Variants in CFAP20DC observed in about 807,000 individuals in gnomAD.
The protein encoded by CFAP20DC is protein CFAP20DC.
In CFAP20DC, 84 loss-of-function variants were observed where a neutral mutation model predicts 101.7. That is an observed-to-expected ratio of 0.83 (90% CI 0.69 to 0.99). The LOEUF (loss-of-function observed/expected upper bound fraction) is 0.99. Ranked by LOEUF, CFAP20DC falls within the 50% of genes least tolerant of loss-of-function variation. The pLI is 0.00. For synonymous variants in CFAP20DC, 359 were observed against 351.2 expected (o/e 1.02, Z -0.25); for missense variants, 1,007 against 970.3 (o/e 1.04, Z -0.50).
intron 15 of CFAP20DC, among the ~76,000 whole-genome samples, chr3:58,784,630 C>T (rs953360878): frequency 6.6e-6 from 1 of 152,034 alleles, no homozygotes. Flanking sequence ...ATGAACATGA[C>T]AGCGCATGTG....
In CFAP20DC at chr3:58,913,711, C is replaced by T; in HGVS notation, c.547G>A (p.Asp183Asn). Reference protein sequence around the residue: ...KSKPQDTADKDAVYGVPFSTD... With the variant: ...KSKPQDTADKNAVYGVPFSTD... The stretch of plus-strand genomic sequence containing the variant: ...CTTGATAGCAACCTGAACATACCAT[C>T]CTTATCAGCAGTGTCTTGTGGCTTT... The change falls in exon 6 of 17, where the codon GAT becomes AAT. Residue 183 changes from aspartate to asparagine, a missense_variant. By Grantham distance (23) the Asp-to-Asn change is conservative. Transcript: ENST00000482387. The surrounding 1 kb of genome is among the most constrained non-coding windows in gnomAD (Gnocchi z 4.4). 1 of 1,613,572 alleles carries T rather than the reference C, an allele frequency of 6.2e-7. No homozygotes were observed. Among genetic ancestry groups the T allele is most frequent in the Non-Finnish European group, 8.5e-7 (1 of 1,179,686 alleles).
chr3:58,806,076 A>T (rs1314371763), intron 15 of CFAP20DC, among the ~76,000 whole-genome samples: 1 of 152,230 alleles, frequency 6.6e-6, no homozygotes, highest in South Asian at 2.1e-4. Flanking sequence ...AGAACTTGCC[A>T]TGTGCCAAGA....
At chr3:59,016,988 C>T (rs966757924) in intron 4 of CFAP20DC, among the ~76,000 whole-genome samples, 8 of 152,010 alleles carry the variant, frequency 5.3e-5, no homozygotes, top group Non-Finnish European at 1.2e-4. Context: ...CATCACAAAC[C>T]AATGTTTCCT....
downstream of CFAP20DC, chr3:58,741,881 A>C (rs574160212): frequency 5.8e-6 from 1 of 171,714 alleles, no homozygotes; most frequent in East Asian, 1.9e-4. Context: ...TGCCAATAAA[A>C]TGTGATCATA....
intron 15 of CFAP20DC, among the ~76,000 whole-genome samples, chr3:58,763,115 T>C (rs537966529): frequency 7.9e-5 from 12 of 152,342 alleles, no homozygotes; most frequent in Non-Finnish European, 1.3e-4. Flanking sequence ...TTCTCCTGGA[T>C]AATATCCTGC....
chr3:59,049,772 G>T lies in CFAP20DC; in HGVS notation c.-141C>A, dbSNP rs963026981. 20 of 1,014,422 alleles carry T rather than the reference G, an allele frequency of 2.0e-5. No homozygotes were observed. The highest frequency in any genetic ancestry group is 3.2e-5 in the African/African-American group (2 of 61,832). 62.8% of individuals were successfully genotyped at this position (1,014,422 alleles called of 1,614,324 possible). A position where few individuals can be genotyped will look rare whatever the true frequency, so the allele number is the denominator to read the frequency against. ...GGGCTTCGTGCTTGGCCCAGACTTG[G>T]GCAGGCTCTTCTCAGCCCCTCCGGC... On this transcript the variant is annotated 5_prime_UTR_variant, in exon 1 of 17. Transcript: ENST00000482387.
intron 6 of CFAP20DC, among the ~76,000 whole-genome samples, chr3:58,900,637 T>A (rs944855676): frequency 8.5e-5 from 13 of 152,214 alleles, no homozygotes; most frequent in African/African-American, 3.1e-4. Context: ...TAATGTTGGC[T>A]GGAATGGCCA....
chr3:58,926,524 G>T (rs547239096), intron 5 of CFAP20DC, among the ~76,000 whole-genome samples: 3 of 152,212 alleles, frequency 2.0e-5, no homozygotes, highest in Non-Finnish European at 4.4e-5. Context: ...ATTGTATTTT[G>T]TACGTATTTC....
At position 58,811,675 on chromosome 3, in the gene CFAP20DC, C is replaced by G. The variant is rs190464414; in HGVS notation, c.2176-5219G>C. On this transcript the variant is annotated intron_variant, in intron 14 of 16. Coordinates refer to ENST00000482387, the MANE Select transcript of CFAP20DC (RefSeq NM_001394063.1). ...GACTTCATGTCTAAAACACCAAAGT[C>G]AATGGCAACAAAAGCCAAAATTGAC... Among the ~76,000 whole-genome samples, 1,120 of 152,202 alleles carry G rather than the reference C, an allele frequency of 7.4e-3. 18 individuals are homozygous for G. Among genetic ancestry groups the G allele is most frequent in the African/African-American group, 0.025 (1,059 of 41,530 alleles).
At chr3:58,928,548 T>G (rs1277269682) in intron 5 of CFAP20DC, among the ~76,000 whole-genome samples, 1 of 152,192 alleles carries the variant, frequency 6.6e-6, no homozygotes. Flanking sequence ...ACAAAACTAG[T>G]AAGTATCAGA....
intron 14 of CFAP20DC, among the ~76,000 whole-genome samples, chr3:58,816,450 G>T (rs1047579141): frequency 1.3e-4 from 20 of 152,142 alleles, no homozygotes; most frequent in African/African-American, 4.6e-4. Context: ...TGCGCGAGCC[G>T]AAGCAGGGCG....
chr3:58,931,830 A>C (rs923534763), intron 5 of CFAP20DC, among the ~76,000 whole-genome samples: 1 of 152,230 alleles, frequency 6.6e-6, no homozygotes, highest in Non-Finnish European at 1.5e-5. Flanking sequence ...GGGAAAAAAC[A>C]GAGCACAAAG....
chr3:58,851,124 T>C (rs2078191263), intron 12 of CFAP20DC, among the ~76,000 whole-genome samples: 2 of 152,154 alleles, frequency 1.3e-5, no homozygotes, highest in African/African-American at 2.4e-5. Context: ...AATGTAATGA[T>C]AGACCAGAAC....
At chr3:58,974,864 T>C (rs926508800) in intron 4 of CFAP20DC, among the ~76,000 whole-genome samples, 2 of 152,062 alleles carry the variant, frequency 1.3e-5, no homozygotes, top group South Asian at 2.1e-4. Flanking sequence ...GGACTGTTTA[T>C]GTATGTTAGG....
In CFAP20DC at chr3:58,772,705, C is replaced by A. The variant is rs548511289; in HGVS notation, c.2238-18842G>T. On this transcript the variant is annotated intron_variant, in intron 15 of 16. Transcript: ENST00000482387. ...TAAATGTCCATTACCAGGGAACTGG[C>A]TGAATAAATTATGGTACACCCAAAC... Among the ~76,000 whole-genome samples, 3 of 152,168 alleles carry A rather than the reference C, an allele frequency of 2.0e-5. No homozygotes were observed. The East Asian group carries it at 5.8e-4, about 29-fold the overall frequency.
intron 15 of CFAP20DC, among the ~76,000 whole-genome samples, chr3:58,802,547 C>A (rs1156551909): frequency 6.6e-6 from 1 of 152,170 alleles, no homozygotes; most frequent in Admixed American, 6.5e-5. Flanking sequence ...ATGGAAAATA[C>A]CACCCCATGC....
intron 14 of CFAP20DC, among the ~76,000 whole-genome samples, chr3:58,811,413 T>C (rs1057165838): frequency 3.3e-5 from 5 of 151,978 alleles, no homozygotes; most frequent in African/African-American, 9.7e-5. Context: ...TATCTACAAC[T>C]ATCTGATCTT....
chr3:58,952,919 G>A (rs1337021667), intron 4 of CFAP20DC, among the ~76,000 whole-genome samples: 4 of 152,076 alleles, frequency 2.6e-5, no homozygotes, highest in Admixed American at 1.3e-4. Flanking sequence ...AAGTCTGGAC[G>A]TAGATACTGG....
chr3:58,810,360 CA>C (rs1459880288), intron 14 of CFAP20DC, among the ~76,000 whole-genome samples: 1 of 152,088 alleles, frequency 6.6e-6, no homozygotes, highest in African/African-American at 2.4e-5. Context: ...CCACCATGAT[CA>C]AGTGGGCTTC....
Sources: gnomAD v4.1 joint callset for allele counts (sites outside exome capture counted in the v4.1 genomes callset) on GRCh38, gnomAD v4.1.1 for gene constraint, Gnocchi (gnomAD v3.1) non-coding constraint, MANE v1.5 for transcripts, NCBI Gene and HGNC (gene_info 2026-07-23, HGNC 2026-07-21) for gene names.